Variants in ABCC2 observed in about 807,000 individuals in gnomAD.
ABCC2 encodes ATP binding cassette subfamily C member 2, also known as ATP-binding cassette sub-family C member 2.
Under a neutral mutation model 173.4 loss-of-function variants are expected in ABCC2, and 157 were observed. That is an observed-to-expected ratio of 0.91 (90% CI 0.80 to 1.03). ABCC2 has a LOEUF of 1.03. Among genes scored for constraint, ABCC2 ranks in the 50% least tolerant of loss-of-function variants. The pLI is 0.00. For synonymous variants in ABCC2, 657 were observed against 693.5 expected (o/e 0.95, Z 0.83); for missense variants, 1,822 against 1,852.3 (o/e 0.98, Z 0.30).
At chr10:99,839,261 A>G (rs2038891384) in intron 25 of ABCC2, among the ~76,000 whole-genome samples, 2 of 92,404 alleles carry the variant, frequency 2.2e-5, no homozygotes, top group African/African-American at 8.3e-5. Context: ...TCCCTCCCGG[A>G]CGGGGCGGCT....
chr10:99,848,947 G>A (rs905202939), intron 30 of ABCC2, among the ~76,000 whole-genome samples: 3 of 152,310 alleles, frequency 2.0e-5, no homozygotes, highest in East Asian at 1.9e-4. Context: ...AACACCGGCC[G>A]GGCGCAGTGG....
At chr10:99,786,978 G>C (rs1312480974) in intron 2 of ABCC2, among the ~76,000 whole-genome samples, 1 of 150,236 alleles carries the variant, frequency 6.7e-6, no homozygotes, top group Non-Finnish European at 1.5e-5. Context: ...CTCCAGCCTG[G>C]GTGACAGAGC....
Position 99,800,534 on chromosome 10 carries a change from A to T in ABCC2, c.1180A>T (p.Thr394Ser), listed in dbSNP as rs746285388. 10 of 1,614,172 alleles carry T rather than the reference A, an allele frequency of 6.2e-6. No homozygotes were observed. The highest frequency in any genetic ancestry group is 8.5e-6 in the Non-Finnish European group (10 of 1,180,032). Residue 394 changes from threonine (T) to serine (S), a missense_variant, in exon 9 of 32, where the codon ACA becomes TCA. Transcript: ENST00000647814. ...CTTCAAGCTGGGTGTAAAAGTACGG[A>T]CAGCTATCATGGCTTCTGTATATAA... ...LCFKLGVKVR[T>S]AIMASVYKKA...
At position 99,843,792 on chromosome 10, in the gene ABCC2, T is replaced by C; in HGVS notation, c.3742-7T>C. 6.2e-7 allele frequency: 1 copy of C among 1,612,860 alleles called. No individual in the cohort carries two copies. The highest frequency in any genetic ancestry group is 8.5e-7 in the Non-Finnish European group (1 of 1,178,836). ...TGATGATTTTCAGTCTTCTGGTTTTTCTGTAGATCACACAAACCCTGAACT... is the reference window on the plus strand; with the variant it reads ...TGATGATTTTCAGTCTTCTGGTTTTCCTGTAGATCACACAAACCCTGAACT... On this transcript the variant is annotated splice_polypyrimidine_tract_variant and splice_region_variant and intron_variant, in intron 26 of 31. Transcript: ENST00000647814.
chr10:99,827,256 C>A lies in ABCC2; in HGVS notation c.2621-3051C>A, dbSNP rs543257851. Among the ~76,000 whole-genome samples the A allele has an allele frequency of 7.2e-5, 11 of 152,282 alleles. No homozygotes were observed. The East Asian group carries it at 1.5e-3, about 21-fold the overall frequency. On this transcript the variant is annotated intron_variant, in intron 19 of 31. Coordinates refer to ENST00000647814, the MANE Select transcript of ABCC2 (RefSeq NM_000392.5). ...AGGTTGTAGTGTTACGGGCACCTGA[C>A]CTGCTGGAAGAGGACTTGGCCCTCG...
chr10:99,815,575 A>G lies in ABCC2; in HGVS notation c.2095-1733A>G, dbSNP rs146747347. The stretch of plus-strand genomic sequence containing the variant: ...ACTCTGAACTTTTCCAGAGAGCTAA[A>G]TTTAGGGAAAATTATAGTTATTTTT... On this transcript the variant is annotated intron_variant, in intron 16 of 31. Coordinates refer to ENST00000647814, the MANE Select transcript of ABCC2 (RefSeq NM_000392.5). Among the ~76,000 whole-genome samples the G allele has an allele frequency of 5.2e-3, 787 of 152,272 alleles. 6 individuals are homozygous for G. Among genetic ancestry groups the G allele is most frequent in the Middle Eastern group, 0.01 (3 of 294 alleles).
intron 19 of ABCC2, among the ~76,000 whole-genome samples, chr10:99,820,786 AGC>A (rs941397185): frequency 9.2e-5 from 14 of 152,294 alleles, no homozygotes; most frequent in Non-Finnish European, 1.6e-4. Flanking sequence ...TCCAGGTAGT[AGC>A]GTGGAGAAAA....
At chr10:99,845,066 A>G (rs548728740) in intron 28 of ABCC2, among the ~76,000 whole-genome samples, 5 of 152,030 alleles carry the variant, frequency 3.3e-5, no homozygotes, top group East Asian at 1.9e-4. Context: ...GTCTCACTCT[A>G]TCACCCAGGC....
chr10:99,821,614 C>G (rs1348340795), intron 19 of ABCC2, among the ~76,000 whole-genome samples: 2 of 152,164 alleles, frequency 1.3e-5, no homozygotes, highest in East Asian at 3.8e-4. Context: ...CTTGCACCAC[C>G]CTTAATCCAT....
At chr10:99,844,605 G>T in intron 28 of ABCC2, 140 bp downstream of exon 28, 2 of 1,139,648 alleles carry the variant, frequency 1.8e-6, no homozygotes, top group Non-Finnish European at 2.6e-6. Flanking sequence ...CCCTGGGGAG[G>T]TGTGGGGACA....
intron 30 of ABCC2, 129 bp from the exon 31 acceptor site, chr10:99,850,473 C>G: frequency 1.0e-6 from 1 of 953,472 alleles, no homozygotes. Flanking sequence ...TGAAGAGGCC[C>G]AAACATTCCA....
intron 19 of ABCC2, among the ~76,000 whole-genome samples, chr10:99,820,097 A>G (rs2038506086): frequency 6.6e-6 from 1 of 152,082 alleles, no homozygotes; most frequent in Admixed American, 6.5e-5. Context: ...ATGGTTTAAA[A>G]CCACCCTGGG....
chr10:99,841,447 T>C (rs2038942617), intron 25 of ABCC2, among the ~76,000 whole-genome samples: 2 of 151,966 alleles, frequency 1.3e-5, no homozygotes, highest in African/African-American at 4.8e-5. Flanking sequence ...TCCAGCTACT[T>C]GGGAGGTTGA....
intron 7 of ABCC2, chr10:99,797,670 A>G (rs1270719919): frequency 3.0e-6 from 1 of 330,270 alleles, no homozygotes; most frequent in African/African-American, 2.1e-5. Context: ...TTTATTGAGC[A>G]CAACTGTGTG....
chr10:99,850,558 T>C, intron 30 of ABCC2, 44 bp from the exon 31 acceptor site: 1 of 1,602,418 alleles, frequency 6.2e-7, no homozygotes, highest in South Asian at 1.1e-5. Flanking sequence ...GCGTCTTTCC[T>C]TGGTCTTTAG....
Position 99,804,275 on chromosome 10 carries a change from T to C in ABCC2, c.1464+2T>C. On this transcript the variant is annotated splice_donor_variant, in intron 10 of 31. Transcript: ENST00000647814. LOFTEE classifies it high-confidence loss of function. ...TCCACCAAGAGTAAGACCATTCAGG[T>C]AAAGAAAAAGTCACCCAGAAGAATA... The C allele has an allele frequency of 6.2e-7, 1 of 1,614,050 alleles. No homozygotes were observed. Among genetic ancestry groups the C allele is most frequent in the Non-Finnish European group, 8.5e-7 (1 of 1,179,952 alleles).
At chr10:99,814,525 ATATATACACATATACACACACATATGTG>A (rs1209698206) in intron 16 of ABCC2, among the ~76,000 whole-genome samples, 353 of 24,292 alleles carry the variant, frequency 0.015, 7 homozygotes, top group Non-Finnish European at 0.023. Flanking sequence ...ATATATACAT[ATATATACACATATACACACACATATGTG>A]TATATACACA....
At position 99,794,152 on chromosome 10, in the gene ABCC2, G is replaced by GAGT. The variant is rs55868545; in HGVS notation, c.576+155_576+157dup. 0.99 allele frequency among the ~76,000 whole-genome samples: 151,271 copies of GAGT among 152,198 alleles called. 75,184 individuals are homozygous for GAGT. The highest frequency in any genetic ancestry group is 1 in the Middle Eastern group (294 of 294). ...ATGACAAGGAAACAGATAGTGATGA[G>GAGT]AGTAAAATACTGACTTTTACTTTCA... On this transcript the variant is annotated intron_variant, in intron 5 of 31. Transcript: ENST00000647814.
chr10:99,830,342 G>A lies in ABCC2; in HGVS notation c.2656G>A (p.Gly886Arg). 1 of 1,614,134 alleles carries A rather than the reference G, an allele frequency of 6.2e-7. No individual in the cohort carries two copies. ...CAGTGAAGAAGAAGACGATGACTAT[G>A]GGCTGATATCCAGTGTGGAAGAGAT... ...DGSEEEDDDY[G>R]LISSVEEIPE... The change falls in exon 20 of 32, where the codon GGG becomes AGG. Residue 886 changes from glycine to arginine, a missense_variant. Coordinates refer to ENST00000647814, the MANE Select transcript of ABCC2 (RefSeq NM_000392.5).
Sources: gnomAD v4.1 joint callset for allele counts (sites outside exome capture counted in the v4.1 genomes callset) on GRCh38, gnomAD v4.1.1 for gene constraint, MANE v1.5 for transcripts, NCBI Gene and HGNC (gene_info 2026-07-23, HGNC 2026-07-21) for gene names.